PMM1: variants seen among roughly 807,000 people sequenced by gnomAD.
PMM1 encodes the protein phosphomannomutase 1.
A neutral mutation model predicts 34.0 loss-of-function variants in PMM1; 25 were observed. The ratio of observed to expected loss-of-function variants is 0.73; its 90% CI spans 0.54 to 1.03. The LOEUF (loss-of-function observed/expected upper bound fraction) is 1.03. Ranked by LOEUF, PMM1 falls within the 50% of genes least tolerant of loss-of-function variation. PMM1 has a pLI of 0.00. For synonymous variants in PMM1, 134 were observed against 143.9 expected, an observed-to-expected ratio of 0.93 and a Z score of 0.49; for missense variants, 321 against 350.1, an observed-to-expected ratio of 0.92 and a Z score of 0.66.
rs1189722615 is a variant in PMM1, at chr22:41,586,089, AC to A, written c.191del (p.Gly64ValfsTer45). ...CCTCACTCCTACCTTCATCCCCGTC[AC>A]CCAGCTGCTCAGCGATCTTACAGTA... ...SDYCKIAEQL[G>X]DGDEVIEKFD... On this transcript the variant is annotated frameshift_variant, in exon 2 of 8. Transcript: ENST00000216259. LOFTEE classifies it high-confidence loss of function. The A allele has an allele frequency of 6.2e-7, 1 of 1,608,180 alleles. No homozygotes were observed. Among genetic ancestry groups the A allele is most frequent in the South Asian group, 1.1e-5 (1 of 90,076 alleles).
At chr22:41,582,228 G>A (rs2067255624) in intron 5 of PMM1, among the ~76,000 whole-genome samples, 1 of 152,136 alleles carries the variant, frequency 6.6e-6, no homozygotes, top group East Asian at 1.9e-4. Context: ...AAGGCTGAGG[G>A]AGAAGGCCCA....
At position 41,589,746 on chromosome 22, in the gene PMM1, C is replaced by G. The variant is rs2067358502; in HGVS notation, c.60G>C (p.Val20=). 1 of 1,611,978 alleles carries G rather than the reference C, an allele frequency of 6.2e-7. No individual in the cohort carries two copies. Among genetic ancestry groups the G allele is most frequent in the Non-Finnish European group, 8.5e-7 (1 of 1,179,616 alleles). The change falls in exon 1 of 8, where the codon GTG becomes GTC. Residue 20 remains valine, a synonymous_variant. Coordinates refer to ENST00000216259, the MANE Select transcript of PMM1 (RefSeq NM_002676.3). The part of the protein sequence containing the change: ...RKERVLCLFD[V]DGTLTPARQK... ...GGCGAGCCGGCGTGAGGGTCCCGTCCACGTCAAACAGGCAGAGGACGCGCT... is the reference window on the plus strand; with the variant it reads ...GGCGAGCCGGCGTGAGGGTCCCGTCGACGTCAAACAGGCAGAGGACGCGCT...
At chr22:41,583,583 C>T (rs2067270581) in intron 5 of PMM1, among the ~76,000 whole-genome samples, 1 of 151,808 alleles carries the variant, frequency 6.6e-6, no homozygotes. Flanking sequence ...AAAGTTGGGG[C>T]AGCCTGGGGC....
At chr22:41,584,445 C>A in intron 3 of PMM1, 73 bp from the exon 4 acceptor site, 1 of 1,575,120 alleles carries the variant, frequency 6.3e-7, no homozygotes, top group Non-Finnish European at 8.7e-7. Flanking sequence ...TGTCTCTCCC[C>A]CAGCCCAGGA....
chr22:41,585,463 TTTTATTTATTTATTTATTTA>T (rs370814183), intron 2 of PMM1: 17 of 147,964 alleles, frequency 1.1e-4, no homozygotes, highest in African/African-American at 3.8e-4. Flanking sequence ...GGTTCTGCCC[TTTTATTTATTTATTTATTTA>T]TTTATTTATT....
chr22:41,588,272 T>A (rs764701963), intron 1 of PMM1, among the ~76,000 whole-genome samples: 107 of 152,368 alleles, frequency 7.0e-4, no homozygotes, highest in Non-Finnish European at 1.2e-3. Flanking sequence ...CAGGCTGTAG[T>A]GCAATGGCAC....
rs573725336 is a variant in PMM1, at chr22:41,577,910, G to A, written c.564C>T (p.Ser188=). The change falls in exon 7 of 8, where the codon AGC becomes AGT. Residue 188 remains serine (S), a synonymous_variant. Coordinates refer to ENST00000216259, the MANE Select transcript of PMM1 (RefSeq NM_002676.3). ...CCCAGCCCTCGGGGAAGACGTCAAAGCTGATCATGCCTCCTGTGGGCAGGG... is the reference window on the plus strand; with the variant it reads ...CCCAGCCCTCGGGGAAGACGTCAAAACTGATCATGCCTCCTGTGGGCAGGG... ...GLRFSRGGMI[S]FDVFPEGWDK... 6.2e-7 allele frequency: 1 copy of A among 1,612,948 alleles called. No homozygotes were observed. Among genetic ancestry groups the A allele is most frequent in the South Asian group, 1.1e-5 (1 of 91,080 alleles).
At chr22:41,587,269 CA>C (rs933671800) in intron 1 of PMM1, among the ~76,000 whole-genome samples, 50 of 115,754 alleles carry the variant, frequency 4.3e-4, no homozygotes, top group Admixed American at 4.5e-4. Flanking sequence ...GACTCCGTCT[CA>C]AAAAAAAAAA....
chr22:41,582,008 G>A, intron 5 of PMM1, among the ~76,000 whole-genome samples: 1 of 151,550 alleles, frequency 6.6e-6, no homozygotes, highest in East Asian at 1.9e-4. Context: ...GCCGGGCGTG[G>A]CAGCATGTGC....
intron 1 of PMM1, among the ~76,000 whole-genome samples, chr22:41,587,022 CTT>C (rs1220104831): frequency 6.7e-6 from 1 of 148,400 alleles, no homozygotes; most frequent in Non-Finnish European, 1.5e-5. Context: ...AATCCCAGCA[CTT>C]TGGGAGGCCG....
In PMM1 at chr22:41,584,047, A is replaced by T; in HGVS notation, c.386T>A (p.Ile129Asn). Residue 129 changes from isoleucine (I) to asparagine (N), a missense_variant, in exon 5 of 8, where the codon ATC (isoleucine) becomes AAC (asparagine). Transcript: ENST00000216259. ...GTTCAGCATGCCATTCCGGAACTCG[A>T]TGAAGGTTCCACTGGTGGTGAGGGA... is the stretch of plus-strand genomic sequence containing the variant. Reference protein sequence around the residue: ...LRLPKKRGTFIEFRNGMLNIS... With the variant: ...LRLPKKRGTFNEFRNGMLNIS... 1 of 1,613,230 alleles carries T rather than the reference A, an allele frequency of 6.2e-7. No homozygotes were observed. Among genetic ancestry groups the T allele is most frequent in the South Asian group, 1.1e-5 (1 of 91,066 alleles).
intron 2 of PMM1, 33 bp downstream of exon 2, chr22:41,586,043 C>T (rs1165463968): frequency 6.6e-7 from 1 of 1,511,540 alleles, no homozygotes; most frequent in African/African-American, 1.4e-5. Flanking sequence ...CTCTCAAACT[C>T]CCCACTCCCT....
In PMM1 at chr22:41,589,705, C is replaced by A. The variant is rs28364634; in HGVS notation, c.87+14G>T. The stretch of plus-strand genomic sequence containing the variant: ...GACACTCCCGGTGGGAGCTTCCAAT[C>A]TTCAGGGTCCTACCTGGCGAGCCGG... On this transcript the variant is annotated intron_variant, in intron 1 of 7. Transcript: ENST00000216259. 18 of 1,606,466 alleles carry A rather than the reference C, an allele frequency of 1.1e-5. No individual in the cohort carries two copies. In the East Asian group the frequency reaches 2.5e-4, roughly 22 times the overall value.
At chr22:41,582,371 A>G (rs2067257139) in intron 5 of PMM1, among the ~76,000 whole-genome samples, 1 of 152,088 alleles carries the variant, frequency 6.6e-6, no homozygotes, top group Non-Finnish European at 1.5e-5. Context: ...AGGTGTGAGG[A>G]TCGCTTGAGC....
chr22:41,582,634 G>A (rs2067259630), intron 5 of PMM1, among the ~76,000 whole-genome samples: 1 of 152,120 alleles, frequency 6.6e-6, no homozygotes, highest in African/African-American at 2.4e-5. Context: ...GGAGAAATAA[G>A]GTAGGGGAAG....
chr22:41,580,389 T>C (rs1433042567), intron 5 of PMM1: 1 of 152,100 alleles, frequency 6.6e-6, no homozygotes, highest in Non-Finnish European at 1.5e-5. Context: ...GAGCCAAAAA[T>C]ACTTGAGAAG....
chr22:41,589,464 C>G (rs2067355049), intron 1 of PMM1: 1 of 577,136 alleles, frequency 1.7e-6, no homozygotes, highest in South Asian at 2.0e-5. Context: ...TGCTCGCAGC[C>G]TCCTCCCTCC....
At chr22:41,589,613 C>A in intron 1 of PMM1, 106 bp downstream of exon 1, 1 of 989,898 alleles carries the variant, frequency 1.0e-6, no homozygotes, top group Non-Finnish European at 1.5e-6. Flanking sequence ...GCATCCCACA[C>A]TCGGTCCCCG....
chr22:41,589,732 G>GTT lies in PMM1; in HGVS notation c.73_74insAA (p.Thr25LysfsTer85), dbSNP rs754414920. Reference sequence around the variant, plus strand: ...TCAGGGTCCTACCTGGCGAGCCGGCGTGAGGGTCCCGTCCACGTCAAACAG... The same window carrying GTT: ...TCAGGGTCCTACCTGGCGAGCCGGCGTTTGAGGGTCCCGTCCACGTCAAACAG... On this transcript the variant is annotated frameshift_variant, in exon 1 of 8. Transcript: ENST00000216259. LOFTEE classifies it high-confidence loss of function. 5 of 1,611,568 alleles carry GTT rather than the reference G, an allele frequency of 3.1e-6. No homozygotes were observed. In the East Asian group the frequency reaches 1.1e-4, roughly 36 times the overall value.
Sources: allele counts gnomAD v4.1 joint callset (sites outside exome capture counted in the v4.1 genomes callset), GRCh38; gene constraint gnomAD v4.1.1; transcripts MANE v1.5; gene names NCBI Gene and HGNC (gene_info 2026-07-23, HGNC 2026-07-21).